The following ENTREP2 variants were observed in gnomAD, a reference collection of about 807,000 sequenced individuals.
ENTREP2 encodes the protein endosomal transmembrane epsin interactor 2.
chr15:29,496,567 T>G, the ENTREP2 span, among the ~76,000 whole-genome samples: 1 of 152,004 alleles, frequency 6.6e-6, no homozygotes, highest in Non-Finnish European at 1.5e-5. Context: ...AATATGACCT[T>G]TATTGTGTTG....
At chr15:29,647,562 C>A in the ENTREP2 span, among the ~76,000 whole-genome samples, 3 of 152,206 alleles carry the variant, frequency 2.0e-5, no homozygotes, top group East Asian at 5.8e-4. Flanking sequence ...CCTTCTTTGG[C>A]ATATCTGTAA....
the ENTREP2 span, among the ~76,000 whole-genome samples, chr15:29,558,853 C>A: frequency 7.3e-5 from 11 of 150,864 alleles, no homozygotes; most frequent in Admixed American, 7.3e-4. Context: ...ATTTTCTCTT[C>A]CCTATGATTT....
the ENTREP2 span, among the ~76,000 whole-genome samples, chr15:29,292,383 C>T: frequency 1.0e-3 from 154 of 149,398 alleles, 1 homozygote; most frequent in East Asian, 0.029. Context: ...TTCTTTCCTT[C>T]TTTCTTTCTT....
chr15:29,402,872 G>A, the ENTREP2 span, among the ~76,000 whole-genome samples: 230 of 152,290 alleles, frequency 1.5e-3, no homozygotes, highest in African/African-American at 5.4e-3. Context: ...GCCAGCGACA[G>A]CTGGTTCTGC....
At chr15:29,597,081 T>C in the ENTREP2 span, among the ~76,000 whole-genome samples, 1 of 110,868 alleles carries the variant, frequency 9.0e-6, no homozygotes, top group African/African-American at 3.0e-5. Flanking sequence ...ATAGTATCAC[T>C]CATACAAAAA....
At chr15:29,591,501 G>A in the ENTREP2 span, among the ~76,000 whole-genome samples, 3 of 152,128 alleles carry the variant, frequency 2.0e-5, no homozygotes, top group African/African-American at 7.2e-5. Context: ...TCCAGTAACT[G>A]TGAATGTGTC....
At chr15:29,159,275 G>A in the ENTREP2 span, among the ~76,000 whole-genome samples, 1 of 151,918 alleles carries the variant, frequency 6.6e-6, no homozygotes, top group Non-Finnish European at 1.5e-5. Flanking sequence ...GTCTGAAGTT[G>A]CTCATTCCTC....
chr15:29,126,827 C>T, the ENTREP2 span, among the ~76,000 whole-genome samples: 8 of 152,192 alleles, frequency 5.3e-5, no homozygotes, highest in African/African-American at 1.9e-4. Flanking sequence ...CAAGGGACAT[C>T]AAGGCATCCC....
the ENTREP2 span, among the ~76,000 whole-genome samples, chr15:29,515,959 G>T: frequency 2.6e-5 from 4 of 152,144 alleles, no homozygotes; most frequent in African/African-American, 9.7e-5. Flanking sequence ...CTAAGGAAAT[G>T]AATTTATAAT....
the ENTREP2 span, among the ~76,000 whole-genome samples, chr15:29,425,518 T>C: frequency 2.0e-5 from 3 of 152,238 alleles, no homozygotes. Context: ...CAATAGTATC[T>C]ATCTGATTTT....
chr15:29,382,399 C>T, the ENTREP2 span, among the ~76,000 whole-genome samples: 1 of 152,120 alleles, frequency 6.6e-6, no homozygotes, highest in African/African-American at 2.4e-5. Context: ...CTGCCCTATA[C>T]ACACTTGGCT....
the ENTREP2 span, among the ~76,000 whole-genome samples, chr15:29,138,411 T>A: frequency 6.6e-6 from 1 of 152,158 alleles, no homozygotes; most frequent in Admixed American, 6.5e-5. Flanking sequence ...CTCCAGTCAA[T>A]GCCGCCCTAT....
the ENTREP2 span, among the ~76,000 whole-genome samples, chr15:29,206,828 AAAAATTACCACCACACGT>A: frequency 6.6e-6 from 1 of 152,174 alleles, no homozygotes; most frequent in African/African-American, 2.4e-5. Context: ...TGTTTCAGAA[AAAAATTACCACCACACGT>A]AATTACTAAC....
the ENTREP2 span, among the ~76,000 whole-genome samples, chr15:29,574,294 CTTTGTT>C: frequency 6.6e-6 from 1 of 151,740 alleles, no homozygotes; most frequent in African/African-American, 2.4e-5. Flanking sequence ...GGTTTTGTTT[CTTTGTT>C]TTTGTTTTTT....
chr15:29,133,154 G>A, the ENTREP2 span, among the ~76,000 whole-genome samples: 2 of 152,072 alleles, frequency 1.3e-5, no homozygotes, highest in African/African-American at 4.8e-5. Flanking sequence ...CCCTGTCCTG[G>A]GCCTGCCATC....
At chr15:29,275,582 G>C in the ENTREP2 span, among the ~76,000 whole-genome samples, 1 of 152,178 alleles carries the variant, frequency 6.6e-6, no homozygotes, top group African/African-American at 2.4e-5. Flanking sequence ...TGAGGCAAAA[G>C]CTAAGCTAGC....
chr15:29,651,106 A>G, the ENTREP2 span, among the ~76,000 whole-genome samples: 3 of 152,238 alleles, frequency 2.0e-5, no homozygotes, highest in Non-Finnish European at 4.4e-5. Context: ...CCATCAGGTC[A>G]GCCTGTTCTG....
At chr15:29,292,748 G>C in the ENTREP2 span, among the ~76,000 whole-genome samples, 2 of 152,162 alleles carry the variant, frequency 1.3e-5, no homozygotes, top group Admixed American at 6.5e-5. Context: ...ATATGGCTTG[G>C]AAAATTTATA....
the ENTREP2 span, among the ~76,000 whole-genome samples, chr15:29,180,244 T>C: frequency 1.3e-5 from 2 of 152,200 alleles, no homozygotes; most frequent in African/African-American, 4.8e-5. Flanking sequence ...AAAAGATATG[T>C]ATGACTTACT....
Sources: allele counts gnomAD v4.1 joint callset (sites outside exome capture counted in the v4.1 genomes callset), GRCh38; gene constraint gnomAD v4.1.1; transcripts MANE v1.5; gene names NCBI Gene and HGNC (gene_info 2026-07-23, HGNC 2026-07-21).